The following LIN9 variants were observed in gnomAD, a reference collection of about 807,000 sequenced individuals.
LIN9 encodes protein lin-9 homolog.
In LIN9, 18 loss-of-function variants were observed where a neutral mutation model predicts 78.0. That is an observed-to-expected ratio of 0.23 (90% CI 0.16 to 0.34). The LOEUF (loss-of-function observed/expected upper bound fraction) is 0.34. LIN9 is among the 10% of genes least tolerant of loss of function. The pLI is 1.00. For synonymous variants in LIN9, 192 were observed against 215.2 expected (o/e 0.89, Z 0.94); for missense variants, 451 against 644.1 (o/e 0.70, Z 3.25).
chr1:226,237,854 G>C (rs1351238284), intron 12 of LIN9, among the ~76,000 whole-genome samples: 1 of 151,020 alleles, frequency 6.6e-6, no homozygotes, highest in Non-Finnish European at 1.5e-5. Context: ...TCAGAAGGCT[G>C]AGGCAGGAGA....
intron 7 of LIN9, among the ~76,000 whole-genome samples, chr1:226,276,435 ATC>A (rs1660662773): frequency 1.3e-5 from 2 of 152,158 alleles, no homozygotes; most frequent in Admixed American, 6.5e-5. Flanking sequence ...ATCATCTATA[ATC>A]TGTTGATTAC....
At chr1:226,287,420 C>A (rs1236929071) in intron 5 of LIN9, among the ~76,000 whole-genome samples, 1 of 152,136 alleles carries the variant, frequency 6.6e-6, no homozygotes, top group East Asian at 1.9e-4. Context: ...TTTAAGAATT[C>A]TAACACAGAA....
At chr1:226,289,334 T>TTGTGTG (rs549091384) in intron 4 of LIN9, among the ~76,000 whole-genome samples, 2 of 150,100 alleles carry the variant, frequency 1.3e-5, no homozygotes, top group East Asian at 2.0e-4. Context: ...TAAACCAATT[T>TTGTGTG]TGTGTGTGTG....
Position 226,233,100 on chromosome 1 carries a change from T to C in LIN9, c.1519A>G (p.Ile507Val). ...AGAGTATACCTAACGAATTACCTGA[T>C]ATTAGAAGCGTCTATTGTACTCTTG... is the stretch of plus-strand genomic sequence containing the variant. ...DIKSTIDASN[I>V]SCFQNNVEIH... The change falls in exon 14 of 15, where the codon ATC becomes GTC. Residue 507 changes from isoleucine to valine, a missense_variant. Physicochemically the swap from Ile to Val is conservative, Grantham distance 29 (BLOSUM62 3). Transcript: ENST00000681046. 1.3e-5 allele frequency: 21 copies of C among 1,563,102 alleles called. No individual in the cohort carries two copies. The highest frequency in any genetic ancestry group is 1.8e-5 in the Non-Finnish European group (21 of 1,149,280).
At chr1:226,253,413 G>A (rs1343555991) in intron 10 of LIN9, among the ~76,000 whole-genome samples, 2 of 151,450 alleles carry the variant, frequency 1.3e-5, no homozygotes, top group Non-Finnish European at 2.9e-5. Flanking sequence ...CATGCCTCAG[G>A]CTCCCGAGTA....
chr1:226,236,473 T>C (rs1409202857), intron 12 of LIN9, among the ~76,000 whole-genome samples: 1 of 152,126 alleles, frequency 6.6e-6, no homozygotes, highest in Non-Finnish European at 1.5e-5. Flanking sequence ...TATTTTTTCT[T>C]GAGACTGAGT....
chr1:226,235,789 C>T (rs1329624502), intron 12 of LIN9, among the ~76,000 whole-genome samples: 2 of 152,144 alleles, frequency 1.3e-5, no homozygotes, highest in African/African-American at 4.8e-5. Context: ...GTTGGGGAAA[C>T]AAACACTCAG....
upstream of LIN9, chr1:226,309,322 C>T: frequency 2.0e-6 from 2 of 1,007,930 alleles, no homozygotes; most frequent in Non-Finnish European, 2.4e-6. Context: ...GGAGGAGGTG[C>T]CGCCGAAGGG....
chr1:226,295,696 C>T, intron 4 of LIN9, 146 bp downstream of exon 4: 2 of 534,128 alleles, frequency 3.7e-6, no homozygotes, highest in African/African-American at 2.0e-5. Flanking sequence ...ATAACATTTT[C>T]TAGGTAACTA....
At chr1:226,246,247 A>C (rs974820309) in intron 11 of LIN9, among the ~76,000 whole-genome samples, 1 of 152,188 alleles carries the variant, frequency 6.6e-6, no homozygotes, top group Non-Finnish European at 1.5e-5. Context: ...TTTGTCTACA[A>C]CTGTCCTTGT....
intron 4 of LIN9, among the ~76,000 whole-genome samples, chr1:226,288,006 C>T (rs2102629800): frequency 6.6e-6 from 1 of 151,158 alleles, no homozygotes. Context: ...CAGTCTTGCT[C>T]TGTTGCCCAG....
intron 10 of LIN9, among the ~76,000 whole-genome samples, chr1:226,260,967 A>G (rs989012723): frequency 6.6e-6 from 1 of 151,846 alleles, no homozygotes; most frequent in African/African-American, 2.4e-5. Flanking sequence ...TACCTGAAGT[A>G]TGCAAGGCTG....
chr1:226,297,090 C>T (rs1662204616), intron 3 of LIN9, among the ~76,000 whole-genome samples: 1 of 152,120 alleles, frequency 6.6e-6, no homozygotes, highest in Non-Finnish European at 1.5e-5. Flanking sequence ...CTTCCCTGAC[C>T]ACAAGCAGAG....
rs1659857378 is a variant in LIN9 at position 226,265,696 on chromosome 1, T to C, written c.937-62A>G. 1 of 930,252 alleles carries C rather than the reference T, an allele frequency of 1.1e-6. No individual in the cohort carries two copies. Among genetic ancestry groups the C allele is most frequent in the Non-Finnish European group, 1.6e-6 (1 of 608,084 alleles). 57.6% of individuals were successfully genotyped at this position (930,252 alleles called of 1,614,324 possible). A position where few individuals can be genotyped will look rare whatever the true frequency, so the allele number is the denominator to read the frequency against. The stretch of plus-strand genomic sequence containing the variant: ...ATTCAGAGGAAGTATCTTATTTTTT[T>C]ATTTTTATTTTTTTTTAGACGGAGT... On this transcript the variant is annotated intron_variant, in intron 9 of 14. Transcript: ENST00000681046. The surrounding 1 kb of genome is among the most constrained non-coding windows in gnomAD (Gnocchi z 4.1).
chr1:226,280,032 A>G (rs1660943372), intron 6 of LIN9, among the ~76,000 whole-genome samples: 1 of 152,210 alleles, frequency 6.6e-6, no homozygotes, highest in African/African-American at 2.4e-5. Flanking sequence ...ACACCAATAT[A>G]GCAGTTAAAG....
chr1:226,297,861 A>G, intron 2 of LIN9, 48 bp from the exon 3 acceptor site: 1 of 1,004,794 alleles, frequency 1.0e-6, no homozygotes, highest in Non-Finnish European at 1.4e-6. Context: ...AGTTCAAAGG[A>G]TTTCATACCA....
chr1:226,285,231 T>C (rs1359552739), intron 6 of LIN9, among the ~76,000 whole-genome samples: 2 of 152,034 alleles, frequency 1.3e-5, no homozygotes, highest in Non-Finnish European at 2.9e-5. Flanking sequence ...CTCAATTTGC[T>C]CAAACACGCA....
chr1:226,267,318 A>ATATGTATGTATGCATGTATG (rs1659991803), intron 8 of LIN9, among the ~76,000 whole-genome samples: 1 of 140,876 alleles, frequency 7.1e-6, no homozygotes, highest in Non-Finnish European at 1.5e-5. Context: ...TATTATGTAT[A>ATATGTATGTATGCATGTATG]TATGTATGTA....
intron 1 of LIN9, among the ~76,000 whole-genome samples, chr1:226,308,334 C>A (rs549556817): frequency 2.5e-5 from 3 of 120,518 alleles, no homozygotes; most frequent in South Asian, 3.2e-4. Context: ...GGAGGCAATG[C>A]CCTAGGGTGG....
Sources: allele counts gnomAD v4.1 joint callset (sites outside exome capture counted in the v4.1 genomes callset), GRCh38; gene constraint gnomAD v4.1.1; non-coding constraint Gnocchi (gnomAD v3.1); transcripts MANE v1.5; gene names NCBI Gene and HGNC (gene_info 2026-07-23, HGNC 2026-07-21).